FARS2: variants seen among roughly 807,000 people sequenced by gnomAD.
The protein encoded by FARS2 is phenylalanine--tRNA ligase, mitochondrial.
Under a neutral mutation model 46.4 loss-of-function variants are expected in FARS2, and 40 were observed. That is an observed-to-expected ratio of 0.86 (90% CI 0.67 to 1.12). The LOEUF (loss-of-function observed/expected upper bound fraction) is 1.12. Ranked by LOEUF, FARS2 falls within the 50% of genes most tolerant of loss-of-function variation. The pLI is 0.00. For synonymous variants in FARS2, 234 were observed against 214.9 expected (o/e 1.09, Z -0.78); for missense variants, 513 against 567.9 (o/e 0.90, Z 0.98).
chr6:5,744,983 C>T (rs1341557726), intron 6 of FARS2, among the ~76,000 whole-genome samples: 1 of 152,162 alleles, frequency 6.6e-6, no homozygotes, highest in Non-Finnish European at 1.5e-5. Flanking sequence ...CTTACCTGTA[C>T]CTGTAGCATT....
chr6:5,296,377 G>A lies in FARS2; in HGVS notation c.-22+34717G>A, dbSNP rs58013617. Among the ~76,000 whole-genome samples, 522 of 152,060 alleles carry A rather than the reference G, an allele frequency of 3.4e-3. 2 individuals carry two copies. The highest frequency in any genetic ancestry group is 0.012 in the African/African-American group (482 of 41,496). On this transcript the variant is annotated intron_variant, in intron 1 of 6. Coordinates refer to ENST00000274680, the MANE Select transcript of FARS2 (RefSeq NM_006567.5). ...AGGATGGTCTCGATCTCCTGACCTC[G>A]TGATCCGCCCGCCTTGGCCTCCCAA...
In FARS2 at chr6:5,744,851, T is replaced by C. The variant is rs1274295695; in HGVS notation, c.1218-26440T>C. On this transcript the variant is annotated intron_variant, in intron 6 of 6. Coordinates refer to ENST00000274680, the MANE Select transcript of FARS2 (RefSeq NM_006567.5). Reference sequence around the variant, plus strand: ...TATAACACACATGCATAAAAATGCATAAAAAATAAATACATAATATAATGA... The same window carrying C: ...TATAACACACATGCATAAAAATGCACAAAAAATAAATACATAATATAATGA... 2.6e-5 allele frequency among the ~76,000 whole-genome samples: 4 copies of C among 152,138 alleles called. No homozygotes were observed. The East Asian group carries it at 5.8e-4, about 22-fold the overall frequency.
At chr6:5,260,909 AG>A, upstream of FARS2, 1 of 1,376,388 alleles carries the variant, frequency 7.3e-7, no homozygotes, top group South Asian at 1.6e-5. Flanking sequence ...GGACGGCGCC[AG>A]GCGTCCCGCG....
At position 5,488,850 on chromosome 6, in the gene FARS2, G is replaced by T. The variant is rs1018665563; in HGVS notation, c.905-56330G>T. On this transcript the variant is annotated intron_variant, in intron 4 of 6. Transcript: ENST00000274680. Reference sequence around the variant, plus strand: ...TTTCCTCAGACACACACATGTACATGCCTGTTTCTTTTTCAGGTGTTCGGA... The same window carrying T: ...TTTCCTCAGACACACACATGTACATTCCTGTTTCTTTTTCAGGTGTTCGGA... 4.9e-4 allele frequency among the ~76,000 whole-genome samples: 74 copies of T among 152,174 alleles called. 1 individual carries two copies. The highest frequency in any genetic ancestry group is 1.7e-3 in the African/African-American group (70 of 41,498).
chr6:5,339,299 T>C (rs1014871874), intron 1 of FARS2, among the ~76,000 whole-genome samples: 32 of 152,234 alleles, frequency 2.1e-4, no homozygotes, highest in Admixed American at 8.5e-4. Context: ...ATATTCCTAA[T>C]TGGCTCAAAG....
chr6:5,591,121 C>T (rs934566584), intron 5 of FARS2, among the ~76,000 whole-genome samples: 1 of 152,204 alleles, frequency 6.6e-6, no homozygotes, highest in Non-Finnish European at 1.5e-5. Flanking sequence ...ATGAGGGAAT[C>T]TTTTGGTGTT....
chr6:5,584,474 T>C (rs1773509501), intron 5 of FARS2, among the ~76,000 whole-genome samples: 1 of 152,196 alleles, frequency 6.6e-6, no homozygotes, highest in Non-Finnish European at 1.5e-5. Context: ...TCATATATTT[T>C]AAATGTGGTT....
At chr6:5,608,964 A>G (rs1209310302) in intron 5 of FARS2, among the ~76,000 whole-genome samples, 1 of 152,222 alleles carries the variant, frequency 6.6e-6, no homozygotes, top group Non-Finnish European at 1.5e-5. Context: ...GGTGCCAAAA[A>G]AAAAAATCTG....
intron 3 of FARS2, among the ~76,000 whole-genome samples, chr6:5,405,155 G>A (rs1014766238): frequency 6.6e-6 from 1 of 152,060 alleles, no homozygotes; most frequent in East Asian, 1.9e-4. Flanking sequence ...GTCTAAACAC[G>A]AAATTCATTT....
chr6:5,592,077 C>G (rs207466671), intron 5 of FARS2, among the ~76,000 whole-genome samples: 1 of 152,150 alleles, frequency 6.6e-6, no homozygotes, highest in Non-Finnish European at 1.5e-5. Flanking sequence ...TATGGCTGCT[C>G]TAGCCTTTTA....
chr6:5,399,708 AT>A lies in FARS2; in HGVS notation c.613-4833del, dbSNP rs1414556528. Reference sequence around the variant, plus strand: ...TCATGTGTATTTTATTATTTCTTACATGAAAGGTAGCAAGTAATATATGCCC... The same window carrying A: ...TCATGTGTATTTTATTATTTCTTACAGAAAGGTAGCAAGTAATATATGCCC... On this transcript the variant is annotated intron_variant, in intron 2 of 6. Transcript: ENST00000274680. Among the ~76,000 whole-genome samples, 6 of 152,126 alleles carry A rather than the reference AT, an allele frequency of 3.9e-5. No homozygotes were observed. In the East Asian group the frequency reaches 9.7e-4, roughly 24 times the overall value.
intron 6 of FARS2, among the ~76,000 whole-genome samples, chr6:5,694,142 T>C (rs1458508059): frequency 1.3e-5 from 2 of 152,242 alleles, no homozygotes; most frequent in East Asian, 1.9e-4. Context: ...AATAAACAAG[T>C]TGAGTTCTCT....
intron 1 of FARS2, among the ~76,000 whole-genome samples, chr6:5,308,318 A>G (rs1048863723): frequency 6.6e-6 from 1 of 152,200 alleles, no homozygotes; most frequent in African/African-American, 2.4e-5. Context: ...GCAAATCACC[A>G]AAGGGTTTGA....
intron 1 of FARS2, among the ~76,000 whole-genome samples, chr6:5,303,559 C>T (rs781407462): frequency 3.3e-5 from 5 of 152,190 alleles, no homozygotes; most frequent in African/African-American, 7.2e-5. Flanking sequence ...GCCCTCCCCA[C>T]GACTCTGTTT....
chr6:5,532,305 A>C (rs1317128579), intron 4 of FARS2, among the ~76,000 whole-genome samples: 1 of 152,240 alleles, frequency 6.6e-6, no homozygotes, highest in East Asian at 1.9e-4. Flanking sequence ...TCAAAACATA[A>C]ATTCAAGTCC....
At chr6:5,649,124 T>C (rs550869158) in intron 6 of FARS2, among the ~76,000 whole-genome samples, 1 of 152,358 alleles carries the variant, frequency 6.6e-6, no homozygotes, top group East Asian at 1.9e-4. Flanking sequence ...AAAATTATAA[T>C]GGTGCTTGGT....
chr6:5,599,461 A>C (rs1561742177), intron 5 of FARS2, among the ~76,000 whole-genome samples: 1 of 152,238 alleles, frequency 6.6e-6, no homozygotes, highest in Non-Finnish European at 1.5e-5. Context: ...TATTTAACCG[A>C]AAAAAATGAA....
In FARS2 at chr6:5,329,701, G is replaced by A. The variant is rs76441303; in HGVS notation, c.-21-38849G>A. ...TGCTAGAAGGTTTCCCAGAACTCAGGAAAGCATCGTACTTACTATTAACAG... is the reference window on the plus strand; with the variant it reads ...TGCTAGAAGGTTTCCCAGAACTCAGAAAAGCATCGTACTTACTATTAACAG... On this transcript the variant is annotated intron_variant, in intron 1 of 6. Transcript: ENST00000274680. 2.4e-3 allele frequency among the ~76,000 whole-genome samples: 366 copies of A among 152,308 alleles called. 8 individuals are homozygous for A. The East Asian group carries it at 0.041, about 17-fold the overall frequency.
chr6:5,625,875 C>T (rs1018502414), intron 6 of FARS2, among the ~76,000 whole-genome samples: 2 of 152,178 alleles, frequency 1.3e-5, no homozygotes, highest in African/African-American at 4.8e-5. Flanking sequence ...CTTGGAATCA[C>T]AAGGCTGAAT....
Sources: allele counts gnomAD v4.1 joint callset (sites outside exome capture counted in the v4.1 genomes callset), GRCh38; gene constraint gnomAD v4.1.1; transcripts MANE v1.5; gene names NCBI Gene and HGNC (gene_info 2026-07-23, HGNC 2026-07-21).